Variants in FYB1 observed in about 807,000 individuals in gnomAD.
The protein encoded by FYB1 is FYN-binding protein 1.
FYB1 carries 41 observed loss-of-function variants against 94.1 expected under a neutral mutation model. The observed-to-expected ratio is 0.44, with a 90% confidence interval of 0.34 to 0.57. The LOEUF (loss-of-function observed/expected upper bound fraction) is 0.57, where lower values mean the gene tolerates loss of function less well. Among genes scored for constraint, FYB1 ranks in the 20% least tolerant of loss-of-function variants. FYB1 has a pLI of 0.02. For missense variants in FYB1, 1,050 were observed against 976.8 expected (o/e 1.07, Z -1.00); for synonymous variants, 367 against 353.2 (o/e 1.04, Z -0.44).
chr5:39,202,306 C>G lies in FYB1; in HGVS notation c.655G>C (p.Val219Leu), dbSNP rs1467793211. 4 of 1,613,712 alleles carry G rather than the reference C, an allele frequency of 2.5e-6. No individual in the cohort carries two copies. Among genetic ancestry groups the G allele is most frequent in the Non-Finnish European group, 3.4e-6 (4 of 1,179,854 alleles). Reference sequence around the variant, plus strand: ...GCTGGGGACCCTTTTGATGAAGACACATTCTTCATGGGGCTTTCGTCTTCA... The same window carrying G: ...GCTGGGGACCCTTTTGATGAAGACAGATTCTTCATGGGGCTTTCGTCTTCA... ...SHEDESPMKN[V>L]SSSKGSPAPL... The change falls in exon 2 of 19, where the codon GTG becomes CTG. Residue 219 changes from valine (V) to leucine (L), a missense_variant. Physicochemically the swap from Val to Leu is conservative, Grantham distance 32. Coordinates refer to ENST00000512982, the MANE Select transcript of FYB1 (RefSeq NM_001465.6).
At chr5:39,238,033 G>A (rs1357126523) in intron 1 of FYB1, among the ~76,000 whole-genome samples, 1 of 152,082 alleles carries the variant, frequency 6.6e-6, no homozygotes, top group Non-Finnish European at 1.5e-5. Flanking sequence ...ATCGGTGGAT[G>A]TAATCAAAAT....
At chr5:39,150,773 C>T (rs1455249802) in intron 3 of FYB1, among the ~76,000 whole-genome samples, 1 of 152,214 alleles carries the variant, frequency 6.6e-6, no homozygotes, top group Admixed American at 6.5e-5. Context: ...CCACTGTTCC[C>T]ATCATGGTCA....
At chr5:39,215,580 A>G (rs1454573821) in intron 1 of FYB1, among the ~76,000 whole-genome samples, 1 of 152,196 alleles carries the variant, frequency 6.6e-6, no homozygotes, top group Non-Finnish European at 1.5e-5. Flanking sequence ...AGGGTGTGGC[A>G]TCCTGTGGTG....
At chr5:39,154,889 G>A (rs1424888929) in intron 2 of FYB1, among the ~76,000 whole-genome samples, 2 of 152,000 alleles carry the variant, frequency 1.3e-5, no homozygotes, top group East Asian at 3.9e-4. Context: ...ACCTCGCCCG[G>A]CCTCCTTTTA....
chr5:39,195,777 T>G (rs934765138), intron 2 of FYB1, among the ~76,000 whole-genome samples: 1 of 152,334 alleles, frequency 6.6e-6, no homozygotes, highest in East Asian at 1.9e-4. Flanking sequence ...GGGATTCTTA[T>G]GAACCCAAAC....
rs138899472 is a variant in FYB1 at position 39,185,882 on chromosome 5, G to A, written c.1135+15944C>T. 9.4e-3 allele frequency among the ~76,000 whole-genome samples: 1,436 copies of A among 152,058 alleles called. 33 individuals are homozygous for A. In the East Asian group the frequency reaches 0.11, roughly 11 times the overall value. On this transcript the variant is annotated intron_variant, in intron 2 of 18. Coordinates refer to ENST00000512982, the MANE Select transcript of FYB1 (RefSeq NM_001465.6). ...ATGGGTGACTACTTGAGGGTATGAA[G>A]CAGGGACAGCCGGGCACTTTTGACT...
chr5:39,135,179 G>A (rs1192438465), intron 7 of FYB1, among the ~76,000 whole-genome samples, 165 bp from the exon 8 acceptor site: 2 of 152,112 alleles, frequency 1.3e-5, no homozygotes, highest in African/African-American at 4.8e-5. Context: ...TTATAGGAGG[G>A]GTTAGGGAAA....
chr5:39,157,245 A>G (rs1396307980), intron 2 of FYB1, among the ~76,000 whole-genome samples: 1 of 152,156 alleles, frequency 6.6e-6, no homozygotes, highest in Non-Finnish European at 1.5e-5. Flanking sequence ...TTAAATGAAA[A>G]TTATTACTAA....
At chr5:39,220,906 C>G (rs1465878404), upstream of FYB1, among the ~76,000 whole-genome samples, 4 of 152,134 alleles carry the variant, frequency 2.6e-5, no homozygotes. Flanking sequence ...CAAAAGAAGA[C>G]AATGATGGTA....
rs551431723 is a variant in FYB1 at position 39,167,677 on chromosome 5, T to C, written c.1136-14073A>G. On this transcript the variant is annotated intron_variant, in intron 2 of 18. Transcript: ENST00000512982. ...ATCTACTTGTGCTTTTCTGTGTAAC[T>C]GCAGGGCAGTGGTGGGGGGAAGTGT... Among the ~76,000 whole-genome samples, 6 of 150,236 alleles carry C rather than the reference T, an allele frequency of 4.0e-5. No individual in the cohort carries two copies. In the South Asian group the frequency reaches 1.3e-3, roughly 32 times the overall value.
In FYB1 at chr5:39,232,547, ATTT is replaced by A. The variant is rs112022910; in HGVS notation, c.-27-29563_-27-29561del. On this transcript the variant is annotated intron_variant, in intron 1 of 1. Transcript: ENST00000510188. ...ATTTTATTTATTTATTTATTTATTTATTTTTTATTTATTTTTTTTGCTTTTTTT... is the reference window on the plus strand; with the variant it reads ...ATTTTATTTATTTATTTATTTATTTATTTATTTATTTTTTTTGCTTTTTTT... Among the ~76,000 whole-genome samples the A allele has an allele frequency of 6.9e-3, 1,038 of 149,952 alleles. 8 individuals are homozygous for A. Among genetic ancestry groups the A allele is most frequent in the African/African-American group, 0.023 (923 of 40,158 alleles).
chr5:39,145,474 TAATC>T (rs1175747822), intron 3 of FYB1, among the ~76,000 whole-genome samples: 1 of 152,180 alleles, frequency 6.6e-6, no homozygotes, highest in African/African-American at 2.4e-5. Flanking sequence ...GTCCAATCAT[TAATC>T]AAAGATCCCC....
intron 2 of FYB1, among the ~76,000 whole-genome samples, chr5:39,193,442 C>T (rs906111560): frequency 2.0e-5 from 3 of 152,076 alleles, no homozygotes; most frequent in Non-Finnish European, 4.4e-5. Context: ...TAGCGGTCAC[C>T]TCACAAGAAA....
At chr5:39,114,514 A>G (rs1739353748) in intron 16 of FYB1, among the ~76,000 whole-genome samples, 1 of 152,172 alleles carries the variant, frequency 6.6e-6, no homozygotes, top group South Asian at 2.1e-4. Flanking sequence ...TCTTTGATGG[A>G]TTAAAGAAGA....
Position 39,138,644 on chromosome 5 carries a change from A to G in FYB1, c.1394+13T>C, listed in dbSNP as rs779805335. 3.3e-6 allele frequency: 5 copies of G among 1,501,876 alleles called. No individual in the cohort carries two copies. In the South Asian group the frequency reaches 5.9e-5, roughly 18 times the overall value. The allele number at this position is 1,501,876 out of a possible 1,614,324, so 93.0% of individuals were successfully genotyped here. A position where few individuals can be genotyped will look rare whatever the true frequency, so the allele number is the denominator to read the frequency against. On this transcript the variant is annotated intron_variant, in intron 6 of 18. Coordinates refer to ENST00000512982, the MANE Select transcript of FYB1 (RefSeq NM_001465.6). ...TTGAAGAAAACTGTCATGGTAAAAAATGTAATTCATACATGTCTTCATATG... is the reference window on the plus strand; with the variant it reads ...TTGAAGAAAACTGTCATGGTAAAAAGTGTAATTCATACATGTCTTCATATG...
In FYB1 at chr5:39,197,189, GTC is replaced by G. The variant is rs770481457; in HGVS notation, c.1135+4635_1135+4636del. ...AACAAGAAAAAATAGTCTTTTTGGA[GTC>G]TCTGCATTCACTGAGCAAGGCATTT... is the stretch of plus-strand genomic sequence containing the variant. On this transcript the variant is annotated intron_variant, in intron 2 of 18. Transcript: ENST00000512982. 2.6e-5 allele frequency among the ~76,000 whole-genome samples: 4 copies of G among 152,160 alleles called. No homozygotes were observed. The East Asian group carries it at 5.8e-4, about 22-fold the overall frequency.
At chr5:39,116,423 A>C (rs116378249) in intron 16 of FYB1, among the ~76,000 whole-genome samples, 42 of 152,330 alleles carry the variant, frequency 2.8e-4, no homozygotes, top group African/African-American at 9.9e-4. Flanking sequence ...TATTTACATG[A>C]AACTCTTGAT....
chr5:39,108,083 G>T, intron 18 of FYB1, 148 bp downstream of exon 18: 1 of 670,396 alleles, frequency 1.5e-6, no homozygotes, highest in East Asian at 3.4e-5. Context: ...CCCCCATTAT[G>T]CCAGGGCATT....
At chr5:39,220,669 G>A (rs1393742687), upstream of FYB1, among the ~76,000 whole-genome samples, 1 of 152,138 alleles carries the variant, frequency 6.6e-6, no homozygotes, top group African/African-American at 2.4e-5. Context: ...CACTGGCCAA[G>A]ACTAGAAAGA....
Sources: gnomAD v4.1 joint callset for allele counts (sites outside exome capture counted in the v4.1 genomes callset) on GRCh38, gnomAD v4.1.1 for gene constraint, MANE v1.5 for transcripts, NCBI Gene and HGNC (gene_info 2026-07-23, HGNC 2026-07-21) for gene names.